HAUS7: variants seen among roughly 807,000 people sequenced by gnomAD.
HAUS7 encodes HAUS augmin like complex subunit 7, also known as HAUS augmin-like complex subunit 7.
Under a neutral mutation model 28.4 loss-of-function variants are expected in HAUS7, and 3 were observed. The observed-to-expected ratio is 0.11, with a 90% CI of 0.05 to 0.27. HAUS7 has a LOEUF of 0.27. Ranked by LOEUF, HAUS7 falls within the 10% of genes least tolerant of loss-of-function variation. The pLI, the probability that HAUS7 is intolerant of heterozygous loss-of-function variation, is 1.00. For missense variants in HAUS7, 284 were observed against 297.3 expected (o/e 0.96, Z 0.33); for synonymous variants, 165 against 132.1 (o/e 1.25, Z -1.71).
chrX:153,454,774 G>A (rs983301432), intron 8 of HAUS7: 11 of 590,550 alleles, frequency 1.9e-5, no homozygotes, highest in Admixed American at 6.0e-5. Flanking sequence ...CGATGCCTAG[G>A]GACATGCCAG....
chrX:153,487,597 A>G lies in HAUS7; in HGVS notation c.-589+7777T>C, dbSNP rs1183667575. Among the ~76,000 whole-genome samples the G allele has an allele frequency of 5.3e-5, 6 of 112,636 alleles. No individual in the cohort carries two copies. In the East Asian group the frequency reaches 1.7e-3, roughly 31 times the overall value. On this transcript the variant is annotated intron_variant, in intron 1 of 5. Transcript: ENST00000370210. ...AGATGAGTAACTTGCCCAGAGATGT[A>G]TGGCTGGCTTGCTGTGAGACCAGGC...
rs1031979273 is a variant in HAUS7 at position 153,457,049 on chromosome X, G to A, written c.446+88C>T. On this transcript the variant is annotated intron_variant, in intron 5 of 9. Transcript: ENST00000370211. ...TCACACCCCAGCCAGCATCAGAGGG[G>A]GAGTGACACCCCAGCCCCTACCAGC... 20 of 625,915 alleles carry A rather than the reference G, an allele frequency of 3.2e-5. 1 individual carries two copies. The highest frequency in any genetic ancestry group is 7.2e-5 in the Admixed American group (3 of 41,539). The allele number at this position is 625,915 out of a possible 1,213,427, so 51.6% of individuals were successfully genotyped here.
intron 4 of HAUS7, among the ~76,000 whole-genome samples, chrX:153,458,785 T>G: frequency 9.0e-6 from 1 of 111,542 alleles, no homozygotes; most frequent in African/African-American, 3.3e-5. Flanking sequence ...AACAACAGGG[T>G]CTTGCTCTGT....
chrX:153,480,442 A>T (rs1237183606), intron 1 of HAUS7: 2 of 280,884 alleles, frequency 7.1e-6, no homozygotes, highest in African/African-American at 3.0e-5. Context: ...TTCTCTCGCC[A>T]GTGCTCCTCA....
intron 5 of HAUS7, 171 bp downstream of exon 5, chrX:153,456,966 C>T: frequency 2.2e-6 from 1 of 456,681 alleles, no homozygotes; most frequent in Non-Finnish European, 3.8e-6. Flanking sequence ...GACACAGCTG[C>T]CCCTTGCCCG....
At chrX:153,457,735 C>G (rs183434421) in intron 4 of HAUS7, among the ~76,000 whole-genome samples, 4,947 of 113,064 alleles carry the variant, frequency 0.044, 250 homozygotes, top group African/African-American at 0.15. Context: ...GCAGCTCCTG[C>G]GGGGCTGAAT....
At chrX:153,488,518 G>A (rs2089652676) in intron 1 of HAUS7, among the ~76,000 whole-genome samples, 2 of 112,575 alleles carry the variant, frequency 1.8e-5, no homozygotes, top group South Asian at 3.7e-4. Flanking sequence ...TGGCGGGGGC[G>A]GGAGAGGCCT....
At chrX:153,485,918 T>G (rs2089634033) in intron 1 of HAUS7, 1 of 957,138 alleles carries the variant, frequency 1.0e-6, no homozygotes, top group Non-Finnish European at 1.4e-6. Context: ...AGGCCTAGAG[T>G]TCCTGCACCT....
upstream of HAUS7, among the ~76,000 whole-genome samples, chrX:153,472,857 T>C (rs1341563618): frequency 3.8e-5 from 4 of 105,657 alleles, no homozygotes; most frequent in African/African-American, 1.4e-4. Flanking sequence ...GAAGGACCCA[T>C]TGACCTGGAG....
At chrX:153,457,391 C>A (rs1161283707) in intron 4 of HAUS7, among the ~76,000 whole-genome samples, 163 bp from the exon 5 acceptor site, 2 of 113,282 alleles carry the variant, frequency 1.8e-5, no homozygotes, top group Non-Finnish European at 3.7e-5. Flanking sequence ...ATGTCTTGGA[C>A]TAGCAAGTGC....
chrX:153,484,150 G>A (rs2089620248), intron 1 of HAUS7, among the ~76,000 whole-genome samples: 1 of 111,871 alleles, frequency 8.9e-6, no homozygotes, highest in African/African-American at 3.3e-5. Flanking sequence ...GTGGCTGCAC[G>A]TGGCCGTCTC....
intron 4 of HAUS7, chrX:153,462,393 G>A (rs782006559): frequency 6.7e-6 from 1 of 148,743 alleles, no homozygotes; most frequent in Non-Finnish European, 1.2e-5. Context: ...CTGCGCCCCA[G>A]GGACAACCAG....
chrX:153,486,268 CG>C (rs2089637249), intron 1 of HAUS7, among the ~76,000 whole-genome samples: 1 of 112,638 alleles, frequency 8.9e-6, no homozygotes, highest in Non-Finnish European at 1.9e-5. Flanking sequence ...GGGCAGGAGT[CG>C]GGGCTCATCC....
intron 1 of HAUS7, chrX:153,485,698 C>T: frequency 3.0e-6 from 2 of 661,769 alleles, no homozygotes; most frequent in Non-Finnish European, 3.7e-6. Flanking sequence ...TGTGGGGCTG[C>T]AGCCCCTGGA....
chrX:153,482,619 T>G (rs1164235888), intron 1 of HAUS7: 1 of 719,593 alleles, frequency 1.4e-6, no homozygotes, highest in Non-Finnish European at 1.6e-6. Flanking sequence ...ACTGCCAGCC[T>G]GGGTAAGGGG....
At chrX:153,467,204 G>A (rs2089464446) in intron 2 of HAUS7, among the ~76,000 whole-genome samples, 1 of 111,613 alleles carries the variant, frequency 9.0e-6, no homozygotes, top group African/African-American at 3.3e-5. Context: ...CCCAGGCCAG[G>A]GGCTGGTCCC....
In HAUS7 at chrX:153,479,444, C is replaced by A. The variant is rs1279029254; in HGVS notation, c.-588-8299G>T. The stretch of plus-strand genomic sequence containing the variant: ...CCGCAGGCTGTCCACCTCAGGCCCA[C>A]TTTGGGTACTCAGGCAGGGCTGCAA... On this transcript the variant is annotated intron_variant, in intron 1 of 5. Coordinates refer to the HAUS7 transcript ENST00000370210. 2.4e-5 allele frequency: 17 copies of A among 697,377 alleles called. No individual in the cohort carries two copies. The South Asian group carries it at 1.2e-3, about 48-fold the overall frequency. 57.5% of individuals were successfully genotyped at this position (697,377 alleles called of 1,213,427 possible).
At chrX:153,449,047 C>T (rs891992271) in intron 9 of HAUS7, among the ~76,000 whole-genome samples, 1 of 111,900 alleles carries the variant, frequency 8.9e-6, no homozygotes, top group Non-Finnish European at 1.9e-5. Context: ...GTGGTGGCTG[C>T]GCTGACCTTA....
At position 153,487,960 on chromosome X, in the gene HAUS7, C is replaced by G. The variant is rs1055195986; in HGVS notation, c.-589+7414G>C. Among the ~76,000 whole-genome samples, 5 of 112,963 alleles carry G rather than the reference C, an allele frequency of 4.4e-5. 1 individual carries two copies. The South Asian group carries it at 1.8e-3, about 41-fold the overall frequency. On this transcript the variant is annotated intron_variant, in intron 1 of 5. Transcript: ENST00000370210. ...GAACCGGATGGGTTTCCTGGGACAG[C>G]CTCCACAGCTCTCTAGGCCACCAGG...
Sources: allele counts gnomAD v4.1 joint callset (sites outside exome capture counted in the v4.1 genomes callset), GRCh38; gene constraint gnomAD v4.1.1; transcripts MANE v1.5; gene names NCBI Gene and HGNC (gene_info 2026-07-23, HGNC 2026-07-21).